Variants in ARL8B observed in about 807,000 individuals in gnomAD.
The protein encoded by ARL8B is ADP-ribosylation factor-like protein 8B.
ARL8B carries 9 observed loss-of-function variants against 30.6 expected under a neutral mutation model. The observed-to-expected ratio is 0.29, with a 90% CI of 0.18 to 0.51. The LOEUF (loss-of-function observed/expected upper bound fraction) is 0.51, where lower values mean the gene tolerates loss of function less well. ARL8B is among the 20% of genes least tolerant of loss of function. The probability of loss-of-function intolerance (pLI) is 0.97; values close to 1 mark genes in which losing one functional copy is unlikely to be tolerated. For missense variants in ARL8B, 130 were observed against 227.2 expected (o/e 0.57, Z 2.75); for synonymous variants, 74 against 76.0 (o/e 0.97, Z 0.14).
rs894176341 is a variant in ARL8B, at chr3:5,135,888, G to A, written c.123+13300G>A. Among the ~76,000 whole-genome samples, 21 of 151,128 alleles carry A rather than the reference G, an allele frequency of 1.4e-4. 1 individual carries two copies. The highest frequency in any genetic ancestry group is 4.4e-4 in the African/African-American group (18 of 41,240). Reference sequence around the variant, plus strand: ...TGCAACCTCCACCTCCCAGGTTCACGCGATTCTCCTGTCTCAGCCTCTCGA... The same window carrying A: ...TGCAACCTCCACCTCCCAGGTTCACACGATTCTCCTGTCTCAGCCTCTCGA... On this transcript the variant is annotated intron_variant, in intron 1 of 6. Coordinates refer to ENST00000256496, the MANE Select transcript of ARL8B (RefSeq NM_018184.3).
intron 6 of ARL8B, among the ~76,000 whole-genome samples, chr3:5,176,718 CACTTGTGGTT>C (rs1216220020): frequency 4.1e-4 from 62 of 152,336 alleles, no homozygotes; most frequent in African/African-American, 1.3e-3. Flanking sequence ...ACTCCTCAAG[CACTTGTGGTT>C]ACTTAGACTT....
At chr3:5,143,784 G>A (rs1480657931) in intron 1 of ARL8B, among the ~76,000 whole-genome samples, 1 of 152,222 alleles carries the variant, frequency 6.6e-6, no homozygotes, top group African/African-American at 2.4e-5. Flanking sequence ...CCTAAGGGAT[G>A]ACAGGGTAGA....
rs544475820 is a variant in ARL8B at position 5,179,983 on chromosome 3, T to C, written c.*1270T>C. ...ACTTCCGTATACATAAAGGGACATA[T>C]TAATACTGGTTCATTTGTAAATTAT... On this transcript the variant is annotated 3_prime_UTR_variant, in exon 7 of 7. Coordinates refer to ENST00000256496, the MANE Select transcript of ARL8B (RefSeq NM_018184.3). 2.6e-5 allele frequency: 4 copies of C among 152,790 alleles called. No homozygotes were observed. Among genetic ancestry groups the C allele is most frequent in the Admixed American group, 1.3e-4 (2 of 15,308 alleles). The allele number at this position is 152,790 out of a possible 1,614,324, so 9.5% of individuals were successfully genotyped here. A position where few individuals can be genotyped will look rare whatever the true frequency, so the allele number is the denominator to read the frequency against.
Position 5,157,219 on chromosome 3 carries a change from A to T in ARL8B, c.124-13284A>T, listed in dbSNP as rs146274256. 5.9e-5 allele frequency among the ~76,000 whole-genome samples: 9 copies of T among 152,262 alleles called. No homozygotes were observed. In the South Asian group the frequency reaches 1.9e-3, roughly 32 times the overall value. ...CAACCAGGCACTTGGGTGGTGGTCT[A>T]CCTTATAGTTTAGTTCTCAAAGCCT... On this transcript the variant is annotated intron_variant, in intron 1 of 6. Coordinates refer to ENST00000256496, the MANE Select transcript of ARL8B (RefSeq NM_018184.3).
chr3:5,128,674 A>T (rs922161977), intron 1 of ARL8B: 2 of 218,034 alleles, frequency 9.2e-6, no homozygotes, highest in Middle Eastern at 1.8e-3. Flanking sequence ...TTTTTCTGAA[A>T]TTTTTTTTGT....
At chr3:5,150,740 T>G (rs2054475723) in intron 1 of ARL8B, among the ~76,000 whole-genome samples, 1 of 152,028 alleles carries the variant, frequency 6.6e-6, no homozygotes. Flanking sequence ...CCAGGATTGC[T>G]CCACTGCACT....
chr3:5,169,245 A>G (rs2054649138), intron 1 of ARL8B, among the ~76,000 whole-genome samples: 2 of 152,106 alleles, frequency 1.3e-5, no homozygotes, highest in Non-Finnish European at 2.9e-5. Context: ...AAGCAAATTA[A>G]TATCTTCTGT....
chr3:5,124,920 G>C (rs937122295), intron 1 of ARL8B, among the ~76,000 whole-genome samples: 4 of 152,184 alleles, frequency 2.6e-5, no homozygotes, highest in South Asian at 2.1e-4. Context: ...ATGTGGATAG[G>C]TGTATTAATA....
chr3:5,164,291 T>G (rs2054606048), intron 1 of ARL8B, among the ~76,000 whole-genome samples: 1 of 152,252 alleles, frequency 6.6e-6, no homozygotes, highest in African/African-American at 2.4e-5. Flanking sequence ...GTTCATGAAT[T>G]TTACTATTAT....
intron 1 of ARL8B, among the ~76,000 whole-genome samples, chr3:5,129,867 C>G (rs186239325): frequency 4.6e-5 from 7 of 152,146 alleles, no homozygotes; most frequent in African/African-American, 1.7e-4. Context: ...TTCTCTCTCT[C>G]TCTTTTTTGT....
intron 1 of ARL8B, among the ~76,000 whole-genome samples, chr3:5,139,482 T>A (rs1396945433): frequency 6.6e-6 from 1 of 152,230 alleles, no homozygotes; most frequent in East Asian, 1.9e-4. Context: ...TGGCATTATA[T>A]GCTATAATCC....
intron 2 of ARL8B, 117 bp from the exon 3 acceptor site, chr3:5,172,033 C>T: frequency 3.2e-6 from 3 of 942,496 alleles, no homozygotes; most frequent in Non-Finnish European, 4.8e-6. Flanking sequence ...GAGCACTTTG[C>T]CTCTAACATT....
intron 1 of ARL8B, among the ~76,000 whole-genome samples, chr3:5,146,121 C>G (rs1345797329): frequency 2.0e-5 from 3 of 152,190 alleles, no homozygotes; most frequent in South Asian, 2.1e-4. Flanking sequence ...AGCCTTCTTG[C>G]AGCACAGTAC....
chr3:5,160,111 A>G (rs1361997435), intron 1 of ARL8B, among the ~76,000 whole-genome samples: 1 of 152,204 alleles, frequency 6.6e-6, no homozygotes, highest in Non-Finnish European at 1.5e-5. Context: ...ATTAAGGATT[A>G]TGGCCGACCT....
intron 1 of ARL8B, among the ~76,000 whole-genome samples, chr3:5,134,149 C>T (rs2054306135): frequency 6.6e-6 from 1 of 152,148 alleles, no homozygotes; most frequent in Non-Finnish European, 1.5e-5. Flanking sequence ...CCTAGTTTCT[C>T]TTCAAAAGAG....
rs1344505478 is a variant in ARL8B at position 5,122,338 on chromosome 3, T to C, written c.-128T>C. On this transcript the variant is annotated 5_prime_UTR_variant, in exon 1 of 7. Transcript: ENST00000256496. Reference sequence around the variant, plus strand: ...GGGTCTGGCTGCTGCCGCCCGCCGGTGTCCGCCCGTGTCGCGCCGGGGCAC... The same window carrying C: ...GGGTCTGGCTGCTGCCGCCCGCCGGCGTCCGCCCGTGTCGCGCCGGGGCAC... 1.9e-6 allele frequency: 3 copies of C among 1,538,912 alleles called. No homozygotes were observed. Among genetic ancestry groups the C allele is most frequent in the Non-Finnish European group, 2.6e-6 (3 of 1,144,190 alleles).
At chr3:5,158,262 G>A (rs1045217343) in intron 1 of ARL8B, among the ~76,000 whole-genome samples, 8 of 152,182 alleles carry the variant, frequency 5.3e-5, no homozygotes, top group South Asian at 4.1e-4. Flanking sequence ...GGGATTACAC[G>A]TGTGAGCCAC....
rs892092132 is a variant in ARL8B at position 5,170,389 on chromosome 3, C to G, written c.124-114C>G. The stretch of plus-strand genomic sequence containing the variant: ...AACATGTTCTTAAAGTAGATTGTTA[C>G]CAATGGTAAAAAAATATTTACTAAA... On this transcript the variant is annotated intron_variant, in intron 1 of 6. Coordinates refer to ENST00000256496, the MANE Select transcript of ARL8B (RefSeq NM_018184.3). 137 of 586,946 alleles carry G rather than the reference C, an allele frequency of 2.3e-4. 1 individual carries two copies. Among genetic ancestry groups the G allele is most frequent in the Admixed American group, 5.3e-4 (15 of 28,308 alleles). The allele number at this position is 586,946 out of a possible 1,614,324, so 36.4% of individuals were successfully genotyped here. A position where few individuals can be genotyped will look rare whatever the true frequency, so the allele number is the denominator to read the frequency against.
chr3:5,176,604 C>G, intron 6 of ARL8B, among the ~76,000 whole-genome samples: 1 of 152,162 alleles, frequency 6.6e-6, no homozygotes. Context: ...TAAAGACCAT[C>G]CAGGGCAGTC....
Sources: allele counts gnomAD v4.1 joint callset (sites outside exome capture counted in the v4.1 genomes callset), GRCh38; gene constraint gnomAD v4.1.1; transcripts MANE v1.5; gene names NCBI Gene and HGNC (gene_info 2026-07-23, HGNC 2026-07-21).